SAMD12: variants seen among roughly 807,000 people sequenced by gnomAD.
SAMD12 encodes sterile alpha motif domain-containing protein 12.
A neutral mutation model predicts 15.0 loss-of-function variants in SAMD12; 9 were observed. The ratio of observed to expected loss-of-function variants is 0.60; its 90% confidence interval spans 0.36 to 1.05. The LOEUF (loss-of-function observed/expected upper bound fraction) is 1.05, where lower values mean the gene tolerates loss of function less well. Ranked by LOEUF, SAMD12 falls within the 50% of genes least tolerant of loss-of-function variation. SAMD12 has a pLI of 0.01. For missense variants in SAMD12, 230 were observed against 234.2 expected, an observed-to-expected ratio of 0.98 and a Z score of 0.12; for synonymous variants, 86 against 90.1, an observed-to-expected ratio of 0.96 and a Z score of 0.25.
intron 4 of SAMD12, among the ~76,000 whole-genome samples, chr8:118,214,847 A>G (rs1176151314): frequency 6.6e-6 from 1 of 152,162 alleles, no homozygotes; most frequent in Admixed American, 6.5e-5. Flanking sequence ...GGTGCCTTAG[A>G]GCGCATGGAT....
At chr8:118,287,752 CTTCAT>C (rs1276232686) in intron 4 of SAMD12, among the ~76,000 whole-genome samples, 14 of 152,276 alleles carry the variant, frequency 9.2e-5, no homozygotes, top group Non-Finnish European at 1.6e-4. Flanking sequence ...TTGTTGTTCA[CTTCAT>C]TTGTTTTCCT....
the SAMD12 span, among the ~76,000 whole-genome samples, chr8:118,160,534 GT>G: frequency 3.9e-5 from 6 of 152,192 alleles, no homozygotes; most frequent in African/African-American, 1.4e-4. Flanking sequence ...AGAAACCAAA[GT>G]AGAGAGACCA....
intron 4 of SAMD12, among the ~76,000 whole-genome samples, chr8:118,281,725 G>C (rs1813655097): frequency 6.6e-6 from 1 of 152,184 alleles, no homozygotes; most frequent in Admixed American, 6.5e-5. Context: ...GTGCTGAGTA[G>C]CCTCAGTCAT....
chr8:118,254,914 C>T (rs1028247464), intron 4 of SAMD12, among the ~76,000 whole-genome samples: 1 of 151,926 alleles, frequency 6.6e-6, no homozygotes, highest in African/African-American at 2.4e-5. Context: ...ACAGATCAGG[C>T]GTTTCTATTC....
chr8:118,390,883 A>T (rs942682077), intron 3 of SAMD12, among the ~76,000 whole-genome samples: 3 of 152,148 alleles, frequency 2.0e-5, no homozygotes, highest in Non-Finnish European at 4.4e-5. Context: ...GGGTAAAAAT[A>T]CTATTTTAGA....
intron 4 of SAMD12, among the ~76,000 whole-genome samples, chr8:118,320,300 A>G (rs1428312652): frequency 6.6e-6 from 1 of 152,206 alleles, no homozygotes; most frequent in Non-Finnish European, 1.5e-5. Flanking sequence ...GGAAATTCAC[A>G]TGGACGACTC....
intron 2 of SAMD12, among the ~76,000 whole-genome samples, chr8:118,491,036 C>G (rs539520613): frequency 6.6e-6 from 1 of 152,136 alleles, no homozygotes; most frequent in East Asian, 1.9e-4. Flanking sequence ...CCCATTGCCC[C>G]GGGGAAAAAT....
At chr8:118,495,107 G>A (rs1049704390) in intron 2 of SAMD12, among the ~76,000 whole-genome samples, 5 of 152,208 alleles carry the variant, frequency 3.3e-5, no homozygotes, top group East Asian at 1.9e-4. Flanking sequence ...TTTCAGGAAA[G>A]GTTAGTTGCC....
intron 4 of SAMD12, among the ~76,000 whole-genome samples, chr8:118,228,812 A>G (rs575285006): frequency 6.6e-6 from 1 of 152,310 alleles, no homozygotes; most frequent in Non-Finnish European, 1.5e-5. Context: ...AAAAAAAGTC[A>G]TTATTCGAAA....
At chr8:118,335,447 T>C (rs1157822245) in intron 4 of SAMD12, among the ~76,000 whole-genome samples, 1 of 152,174 alleles carries the variant, frequency 6.6e-6, no homozygotes, top group Non-Finnish European at 1.5e-5. Flanking sequence ...TTGTCCGAAG[T>C]CCCAAGTACA....
At chr8:118,343,208 C>T (rs905042463) in intron 4 of SAMD12, among the ~76,000 whole-genome samples, 5 of 152,170 alleles carry the variant, frequency 3.3e-5, no homozygotes, top group Admixed American at 2.0e-4. Flanking sequence ...CTCTACTCAG[C>T]CACTTCCAAC....
chr8:118,330,552 G>A (rs544998163), intron 4 of SAMD12, among the ~76,000 whole-genome samples: 33 of 152,278 alleles, frequency 2.2e-4, no homozygotes, highest in Non-Finnish European at 4.4e-4. Context: ...ATATACTTTG[G>A]AAGAGACTGA....
intron 4 of SAMD12, among the ~76,000 whole-genome samples, chr8:118,250,951 T>C (rs1024032429): frequency 3.3e-5 from 5 of 152,150 alleles, no homozygotes; most frequent in Non-Finnish European, 7.4e-5. Context: ...CCTTGTCCTA[T>C]AGTGTTCTAA....
At chr8:118,558,260 G>A (rs1340409173) in intron 2 of SAMD12, among the ~76,000 whole-genome samples, 2 of 152,090 alleles carry the variant, frequency 1.3e-5, no homozygotes, top group East Asian at 3.9e-4. Context: ...AATAAATCAA[G>A]ATTCTTTATT....
At chr8:118,590,824 C>CT (rs1384599190) in intron 1 of SAMD12, among the ~76,000 whole-genome samples, 1 of 152,106 alleles carries the variant, frequency 6.6e-6, no homozygotes, top group Non-Finnish European at 1.5e-5. Context: ...GACATCAGAA[C>CT]TATCTGAGAA....
the SAMD12 span, among the ~76,000 whole-genome samples, chr8:118,168,062 C>A: frequency 0.035 from 5,319 of 152,232 alleles, 300 homozygotes; most frequent in African/African-American, 0.12. Context: ...ATAGTGAATA[C>A]GTCTCATGAA....
intron 4 of SAMD12, among the ~76,000 whole-genome samples, chr8:118,323,148 A>G (rs1816372609): frequency 6.6e-6 from 1 of 152,216 alleles, no homozygotes; most frequent in Non-Finnish European, 1.5e-5. Context: ...TAAATGTGGA[A>G]CAGAGTCACC....
chr8:118,578,617 A>G (rs192087672), intron 2 of SAMD12, among the ~76,000 whole-genome samples: 15 of 152,304 alleles, frequency 9.8e-5, no homozygotes, highest in Admixed American at 2.0e-4. Flanking sequence ...GAAAATGTAA[A>G]TGTGTTTGTA....
chr8:118,438,173 C>T (rs781355944), intron 3 of SAMD12, among the ~76,000 whole-genome samples: 2 of 152,052 alleles, frequency 1.3e-5, no homozygotes, highest in African/African-American at 2.4e-5. Context: ...CACTGCCTTC[C>T]GAATTTCTGA....
Sources: allele counts gnomAD v4.1 joint callset (sites outside exome capture counted in the v4.1 genomes callset), GRCh38; gene constraint gnomAD v4.1.1; transcripts MANE v1.5; gene names NCBI Gene and HGNC (gene_info 2026-07-23, HGNC 2026-07-21).